Variants in COL5A2 observed in about 807,000 individuals in gnomAD.
The protein encoded by COL5A2 is collagen type V alpha 2 chain, also known as collagen alpha-2(V) chain.
COL5A2 carries 23 observed loss-of-function variants against 208.2 expected under a neutral mutation model. The observed-to-expected ratio is 0.11, with a 90% CI of 0.08 to 0.16. COL5A2 has a LOEUF of 0.16. Ranked by LOEUF, COL5A2 falls within the 10% of genes least tolerant of loss-of-function variation. COL5A2 has a pLI of 1.00. For missense variants in COL5A2, 1,590 were observed against 1,956.4 expected (o/e 0.81, Z 3.53); for synonymous variants, 625 against 628.5 (o/e 0.99, Z 0.08).
the COL5A2 span, among the ~76,000 whole-genome samples, chr2:189,439,734 A>T: frequency 5.3e-5 from 8 of 152,034 alleles, no homozygotes; most frequent in African/African-American, 1.9e-4. Context: ...CCTCCTATAC[A>T]TTTATCAATC....
At chr2:189,269,669 G>T in the COL5A2 span, among the ~76,000 whole-genome samples, 1 of 152,138 alleles carries the variant, frequency 6.6e-6, no homozygotes, top group African/African-American at 2.4e-5. Flanking sequence ...TCGCATCAAT[G>T]TTCATCAGGG....
At chr2:189,100,782 AG>A (rs1343033487) in intron 3 of COL5A2, among the ~76,000 whole-genome samples, 2 of 152,036 alleles carry the variant, frequency 1.3e-5, no homozygotes, top group East Asian at 3.8e-4. Context: ...AAACAACATA[AG>A]AAACTATCAT....
the COL5A2 span, among the ~76,000 whole-genome samples, chr2:189,235,402 A>G: frequency 2.0e-5 from 3 of 151,768 alleles, no homozygotes; most frequent in African/African-American, 7.2e-5. Flanking sequence ...TTATTGCTAT[A>G]GAACATAATA....
chr2:189,356,712 C>T, the COL5A2 span, among the ~76,000 whole-genome samples: 4 of 152,236 alleles, frequency 2.6e-5, no homozygotes, highest in Admixed American at 6.5e-5. Context: ...TTGTTATTAC[C>T]CACCTTCTGA....
At chr2:189,059,585 G>GTTTTTTTTTTGTTTTT (rs1685979315) in intron 31 of COL5A2, among the ~76,000 whole-genome samples, 1 of 28,594 alleles carries the variant, frequency 3.5e-5, no homozygotes. Context: ...TTCTTTTCTG[G>GTTTTTTTTTTGTTTTT]TTTTTTTTTT....
chr2:189,111,660 T>C (rs1170995610), intron 1 of COL5A2, among the ~76,000 whole-genome samples: 2 of 152,222 alleles, frequency 1.3e-5, no homozygotes, highest in Non-Finnish European at 2.9e-5. Flanking sequence ...CATTCATTCA[T>C]TTATTCATTC....
chr2:189,198,312 C>T (rs1014410284), intron 1 of COL5A2, among the ~76,000 whole-genome samples: 2 of 152,134 alleles, frequency 1.3e-5, no homozygotes, highest in African/African-American at 4.8e-5. Context: ...CCTAATCTGG[C>T]AATCATTTAT....
At chr2:189,407,080 T>C in the COL5A2 span, among the ~76,000 whole-genome samples, 24 of 152,196 alleles carry the variant, frequency 1.6e-4, no homozygotes, top group African/African-American at 5.3e-4. Context: ...GACATGCATA[T>C]GAAGATTTGT....
At chr2:189,110,794 G>A (rs1174197029) in intron 1 of COL5A2, among the ~76,000 whole-genome samples, 1 of 152,078 alleles carries the variant, frequency 6.6e-6, no homozygotes, top group Non-Finnish European at 1.5e-5. Flanking sequence ...TCTGAAAATG[G>A]GGAGAAAATG....
the COL5A2 span, among the ~76,000 whole-genome samples, chr2:189,253,335 T>A: frequency 6.6e-6 from 1 of 152,214 alleles, no homozygotes; most frequent in Non-Finnish European, 1.5e-5. Context: ...AGTTACCATA[T>A]CTCTCTTACA....
At chr2:189,259,978 A>G in the COL5A2 span, among the ~76,000 whole-genome samples, 1 of 152,204 alleles carries the variant, frequency 6.6e-6, no homozygotes, top group Non-Finnish European at 1.5e-5. Context: ...AGGGCAAAGA[A>G]GGTTATCAGA....
At chr2:189,299,343 T>C in the COL5A2 span, among the ~76,000 whole-genome samples, 3 of 152,204 alleles carry the variant, frequency 2.0e-5, no homozygotes, top group African/African-American at 7.2e-5. Context: ...CTATCATTTA[T>C]TAAGATCATC....
the COL5A2 span, among the ~76,000 whole-genome samples, chr2:189,288,552 G>A: frequency 1.3e-5 from 2 of 152,080 alleles, no homozygotes; most frequent in Non-Finnish European, 2.9e-5. Flanking sequence ...GATGAATAAT[G>A]AGTAAAGAGA....
At chr2:189,077,695 G>A (rs1006666957) in intron 16 of COL5A2, among the ~76,000 whole-genome samples, 1 of 152,208 alleles carries the variant, frequency 6.6e-6, no homozygotes, top group African/African-American at 2.4e-5. Flanking sequence ...GGCCTGGTGA[G>A]AGGGTCTTAC....
At chr2:189,150,965 C>T (rs1442723902) in intron 1 of COL5A2, among the ~76,000 whole-genome samples, 1 of 152,142 alleles carries the variant, frequency 6.6e-6, no homozygotes, top group African/African-American at 2.4e-5. Context: ...GGGAATCCCA[C>T]ATAACATTTT....
At chr2:189,353,950 A>T in the COL5A2 span, among the ~76,000 whole-genome samples, 1 of 152,112 alleles carries the variant, frequency 6.6e-6, no homozygotes, top group Non-Finnish European at 1.5e-5. Context: ...CTATTTTGAG[A>T]TACGTTCCAT....
intron 1 of COL5A2, among the ~76,000 whole-genome samples, chr2:189,114,916 A>G (rs973249118): frequency 6.6e-6 from 1 of 152,030 alleles, no homozygotes; most frequent in Non-Finnish European, 1.5e-5. Flanking sequence ...AATCTAAAAA[A>G]GAACGCCAAA....
chr2:189,061,128 G>GC (rs1686022046), intron 30 of COL5A2, among the ~76,000 whole-genome samples: 1 of 151,720 alleles, frequency 6.6e-6, no homozygotes, highest in African/African-American at 2.4e-5. Context: ...AGTCCAGAAA[G>GC]TTTTTTTTAC....
chr2:189,272,588 C>T, the COL5A2 span, among the ~76,000 whole-genome samples: 1 of 152,096 alleles, frequency 6.6e-6, no homozygotes, highest in Non-Finnish European at 1.5e-5. Context: ...TGCAGCAAAC[C>T]ACCATGGCAC....
Sources: gnomAD v4.1 joint callset for allele counts (sites outside exome capture counted in the v4.1 genomes callset) on GRCh38, gnomAD v4.1.1 for gene constraint, MANE v1.5 for transcripts, NCBI Gene and HGNC (gene_info 2026-07-23, HGNC 2026-07-21) for gene names.